DDX1: variants seen among roughly 807,000 people sequenced by gnomAD.
DDX1 encodes the protein ATP-dependent RNA helicase DDX1.
DDX1 carries 28 observed loss-of-function variants against 108.7 expected under a neutral mutation model. That is an observed-to-expected ratio of 0.26 (90% confidence interval 0.19 to 0.35). The LOEUF (loss-of-function observed/expected upper bound fraction) is 0.35, where lower values mean the gene tolerates loss of function less well. Ranked by LOEUF, DDX1 falls within the 10% of genes least tolerant of loss-of-function variation. The probability of loss-of-function intolerance (pLI) is 1.00; values close to 1 mark genes in which losing one functional copy is unlikely to be tolerated. For synonymous variants in DDX1, 295 were observed against 288.9 expected (o/e 1.02, Z -0.21); for missense variants, 710 against 884.5 (o/e 0.80, Z 2.50).
At chr2:15,618,394 G>T in intron 16 of DDX1, 124 bp downstream of exon 16, 1 of 604,544 alleles carries the variant, frequency 1.7e-6, no homozygotes, top group Non-Finnish European at 3.0e-6. Context: ...CCCTTGCCCG[G>T]GTTTTGCTCA....
chr2:15,592,036 G>A, intron 1 of DDX1, 87 bp downstream of exon 1: 2 of 1,227,862 alleles, frequency 1.6e-6, no homozygotes, highest in Non-Finnish European at 2.1e-6. Context: ...AAAGGGGCGG[G>A]AGCGGACAGG....
In DDX1 at chr2:15,627,070, A is replaced by G. The variant is rs777309499; in HGVS notation, c.1611A>G (p.Gly537=). 6 of 1,607,528 alleles carry G rather than the reference A, an allele frequency of 3.7e-6. No individual in the cohort carries two copies. The Admixed American group carries it at 8.5e-5, about 23-fold the overall frequency. ...TTTCACTAGGACCTGATAAAAAAGG[A>G]CACCAGTTCTCATGTGTTTGTCTTC... ...IQQGGGPDKK[G]HQFSCVCLHG... The change falls in exon 20 of 26, where the codon GGA becomes GGG. Residue 537 remains glycine (G), a synonymous_variant. Transcript: ENST00000233084.
At chr2:15,593,837 G>A (rs539949396) in intron 1 of DDX1, among the ~76,000 whole-genome samples, 31 of 152,156 alleles carry the variant, frequency 2.0e-4, no homozygotes, top group Non-Finnish European at 4.0e-4. Context: ...AGCACTTTGG[G>A]AGTCCAAGGT....
At chr2:15,592,117 C>G (rs971789989) in intron 1 of DDX1, among the ~76,000 whole-genome samples, 168 bp downstream of exon 1, 1 of 152,232 alleles carries the variant, frequency 6.6e-6, no homozygotes, top group Non-Finnish European at 1.5e-5. Context: ...CAGGGGCGGC[C>G]GCGGCTCGGG....
intron 6 of DDX1, among the ~76,000 whole-genome samples, chr2:15,600,339 T>G (rs1187470433): frequency 6.6e-6 from 1 of 152,232 alleles, no homozygotes; most frequent in Non-Finnish European, 1.5e-5. Flanking sequence ...AACTCAAATA[T>G]GCCCTTCTAT....
Position 15,603,862 on chromosome 2 carries a change from A to G in DDX1, c.524A>G (p.His175Arg). Residue 175 changes from histidine to arginine, a missense_variant, in exon 9 of 26, where the codon CAT becomes CGT. This residue lies in a region of DDX1 where 661 missense variants were observed against 810.2 expected (regional missense o/e 0.82). Coordinates refer to ENST00000233084, the MANE Select transcript of DDX1 (RefSeq NM_004939.3). Reference protein sequence around the residue: ...FGFGGTGKKSHNKQFDNYGEE... With the variant: ...FGFGGTGKKSRNKQFDNYGEE... ...TTTGGTGGAACAGGAAAGAAATCCCATAACAAACAATTTGATAATTATGGA... is the reference window on the plus strand; with the variant it reads ...TTTGGTGGAACAGGAAAGAAATCCCGTAACAAACAATTTGATAATTATGGA... The G allele has an allele frequency of 6.2e-7, 1 of 1,611,998 alleles. No individual in the cohort carries two copies. Among genetic ancestry groups the G allele is most frequent in the South Asian group, 1.1e-5 (1 of 90,548 alleles).
chr2:15,607,209 C>T lies in DDX1; in HGVS notation c.852C>T (p.Pro284=), dbSNP rs1401142611. ...NAQVTQTKFL[P]NAPKALIVEP... is the part of the protein sequence containing the mutation. ...AGGTGACACAAACAAAGTTTCTCCC[C>T]AATGCTCCGAAAGCTCTCATTGTTG... The change falls in exon 13 of 26, where the codon CCC becomes CCT. Residue 284 remains proline (P), a synonymous_variant. Transcript: ENST00000233084. 6.2e-7 allele frequency: 1 copy of T among 1,613,908 alleles called. No homozygotes were observed. The highest frequency in any genetic ancestry group is 8.5e-7 in the Non-Finnish European group (1 of 1,179,886).
chr2:15,605,278 T>A (rs1366434416), intron 10 of DDX1, among the ~76,000 whole-genome samples: 1 of 152,024 alleles, frequency 6.6e-6, no homozygotes, highest in Non-Finnish European at 1.5e-5. Flanking sequence ...AGGCCTGGGT[T>A]CCTGTGGTTA....
At chr2:15,615,359 A>G (rs1464536330) in intron 14 of DDX1, among the ~76,000 whole-genome samples, 1 of 152,168 alleles carries the variant, frequency 6.6e-6, no homozygotes, top group Non-Finnish European at 1.5e-5. Flanking sequence ...TGCCCACTTT[A>G]CCTGCTGAAA....
At chr2:15,595,327 A>G in intron 2 of DDX1, 131 bp downstream of exon 2, 2 of 954,384 alleles carry the variant, frequency 2.1e-6, no homozygotes, top group Non-Finnish European at 3.1e-6. Context: ...GATTTTCTAA[A>G]TTATGGAAAG....
At position 15,602,566 on chromosome 2, in the gene DDX1, T is replaced by A. The variant is rs1215157934; in HGVS notation, c.326T>A (p.Leu109His). The change falls in exon 7 of 26, where the codon CTT becomes CAT. Residue 109 changes from leucine to histidine, a missense_variant. Leu to His is a moderately conservative substitution (Grantham distance 99). This residue lies in a region of DDX1 where 661 missense variants were observed against 810.2 expected (regional missense o/e 0.82). Transcript: ENST00000233084. ...GSAFAIGSDG[L>H]CCQSREVKEW... Reference sequence around the variant, plus strand: ...AATCCAGCAATTGGGTCAGATGGTCTTTGTTGTCAAAGCAGAGAAGTAAAG... The same window carrying A: ...AATCCAGCAATTGGGTCAGATGGTCATTGTTGTCAAAGCAGAGAAGTAAAG... 2 of 1,613,814 alleles carry A rather than the reference T, an allele frequency of 1.2e-6. No individual in the cohort carries two copies. The highest frequency in any genetic ancestry group is 3.3e-5 in the Admixed American group (2 of 60,028).
chr2:15,625,671 GT>G (rs1336559859), intron 19 of DDX1, among the ~76,000 whole-genome samples: 1 of 152,046 alleles, frequency 6.6e-6, no homozygotes, highest in Non-Finnish European at 1.5e-5. Context: ...GTTGCTACGT[GT>G]TTGAAAATAT....
chr2:15,595,749 A>G (rs1665486791), intron 3 of DDX1, among the ~76,000 whole-genome samples, 196 bp downstream of exon 3: 1 of 152,262 alleles, frequency 6.6e-6, no homozygotes, highest in Admixed American at 6.5e-5. Flanking sequence ...TAAGACATGT[A>G]TAAGAATGAA....
At chr2:15,629,740 TA>T in intron 24 of DDX1, 43 bp downstream of exon 24, 1 of 1,407,908 alleles carries the variant, frequency 7.1e-7, no homozygotes, top group Non-Finnish European at 9.7e-7. Flanking sequence ...ATTAAAATGG[TA>T]GAATAGAAAG....
At position 15,620,243 on chromosome 2, in the gene DDX1, T is replaced by C. The variant is rs752453697; in HGVS notation, c.1242T>C (p.Asp414=). ...GCTCTGCCACTTTGCATTCTTTCGA[T>C]GTAAAGAAACTGTCCGAGAAGATAA... ...IVCSATLHSF[D]VKKLSEKIMH... is the part of the protein sequence containing the mutation. The change falls in exon 17 of 26, where the codon GAT becomes GAC. Residue 414 remains aspartate, a synonymous_variant. Transcript: ENST00000233084. The C allele has an allele frequency of 1.2e-6, 2 of 1,614,036 alleles. No individual in the cohort carries two copies. The highest frequency in any genetic ancestry group is 1.3e-5 in the African/African-American group (1 of 75,062).
At chr2:15,594,874 C>A (rs532621353) in intron 1 of DDX1, among the ~76,000 whole-genome samples, 1 of 152,296 alleles carries the variant, frequency 6.6e-6, no homozygotes, top group Non-Finnish European at 1.5e-5. Context: ...TTCATATAGC[C>A]CTGCAAGGTA....
chr2:15,618,241 C>T lies in DDX1; in HGVS notation c.1177C>T (p.Gln393Ter), dbSNP rs764818337. Residue 393 changes from glutamine (Q) to a stop codon, truncating the protein, a stop_gained, in exon 16 of 26, where the codon CAG (glutamine) becomes TAG (stop). Coordinates refer to ENST00000233084, the MANE Select transcript of DDX1 (RefSeq NM_004939.3). LOFTEE classifies it high-confidence loss of function. The part of the protein sequence containing the change: ...FINRMHNQIP[Q>*]VTSDGKRLQV... ...AAATAGGATGCACAATCAGATTCCT[C>T]AGGTTACCTCTGATGGAAAAAGACT... The T allele has an allele frequency of 6.3e-7, 1 of 1,586,990 alleles. No homozygotes were observed. The highest frequency in any genetic ancestry group is 1.3e-5 in the African/African-American group (1 of 74,756).
intron 6 of DDX1, among the ~76,000 whole-genome samples, chr2:15,602,085 A>C (rs1453335466): frequency 6.6e-6 from 1 of 152,236 alleles, no homozygotes; most frequent in South Asian, 2.1e-4. Flanking sequence ...TTTTAGTTAT[A>C]TAGTCACTCA....
At position 15,614,872 on chromosome 2, in the gene DDX1, A is replaced by G. The variant is rs186387247; in HGVS notation, c.1017+1588A>G. Among the ~76,000 whole-genome samples, 86 of 152,334 alleles carry G rather than the reference A, an allele frequency of 5.6e-4. 1 individual carries two copies. Among genetic ancestry groups the G allele is most frequent in the African/African-American group, 1.9e-3 (81 of 41,572 alleles). The stretch of plus-strand genomic sequence containing the variant: ...GTTTATTCCCAATCTTGCTTCCTCA[A>G]ACCCATTTTTCCCATAAGATAATAT... On this transcript the variant is annotated intron_variant, in intron 14 of 25. Transcript: ENST00000233084.
Sources: allele counts gnomAD v4.1 joint callset (sites outside exome capture counted in the v4.1 genomes callset), GRCh38; gene constraint gnomAD v4.1.1; regional missense constraint gnomAD v4.1.1; transcripts MANE v1.5; gene names NCBI Gene and HGNC (gene_info 2026-07-23, HGNC 2026-07-21).